The following IKBKE variants were observed in gnomAD, a reference collection of about 807,000 sequenced individuals.
IKBKE encodes the protein inhibitor of nuclear factor kappa-B kinase subunit epsilon.
A neutral mutation model predicts 92.1 loss-of-function variants in IKBKE; 45 were observed. The observed-to-expected ratio is 0.49, with a 90% CI of 0.38 to 0.63. The LOEUF (loss-of-function observed/expected upper bound fraction) is 0.63, where lower values mean the gene tolerates loss of function less well. Among genes scored for constraint, IKBKE ranks in the 20% least tolerant of loss-of-function variants. The probability of loss-of-function intolerance (pLI) is 0.00; values close to 1 mark genes in which losing one functional copy is unlikely to be tolerated. For missense variants in IKBKE, 700 were observed against 932.8 expected, an observed-to-expected ratio of 0.75 and a Z score of 3.25; for synonymous variants, 374 against 380.3, an observed-to-expected ratio of 0.98 and a Z score of 0.19.
rs782538434 is a variant in IKBKE, at chr1:206,485,346, GAGTGGGC to G, written c.1616+43_1616+49del. 2 of 1,228,786 alleles carry G rather than the reference GAGTGGGC, an allele frequency of 1.6e-6. No individual in the cohort carries two copies. Among genetic ancestry groups the G allele is most frequent in the Non-Finnish European group, 2.4e-6 (2 of 830,260 alleles). 76.1% of individuals were successfully genotyped at this position (1,228,786 alleles called of 1,614,324 possible). On this transcript the variant is annotated intron_variant, in intron 15 of 21. Coordinates refer to ENST00000581977, the MANE Select transcript of IKBKE (RefSeq NM_014002.4). This position sits in a 1 kb window ranked among gnomAD's most constrained non-coding sequence, Gnocchi z 5.0. ...CCTTCTTTGTGGGGTGGGAGTGGGG[GAGTGGGC>G]AGCTCCAAAGGTCCAGTAACCTTTA...
rs890251228 is a variant in IKBKE, at chr1:206,496,837, G to A, written c.*692G>A. On this transcript the variant is annotated 3_prime_UTR_variant, in exon 22 of 22. Transcript: ENST00000581977. The stretch of plus-strand genomic sequence containing the variant: ...CAGCCAGGACTGTGAGTCTGGGCAG[G>A]TCCAAGGCCTGCACCTTCAAGAAGT... The A allele has an allele frequency of 1.7e-5, 4 of 228,988 alleles. No homozygotes were observed. Among genetic ancestry groups the A allele is most frequent in the Admixed American group, 5.7e-5 (1 of 17,626 alleles). 14.2% of individuals were successfully genotyped at this position (228,988 alleles called of 1,614,324 possible). A position where few individuals can be genotyped will look rare whatever the true frequency, so the allele number is the denominator to read the frequency against.
At chr1:206,481,542 G>C (rs1241128398) in intron 13 of IKBKE, among the ~76,000 whole-genome samples, 3 of 152,192 alleles carry the variant, frequency 2.0e-5, no homozygotes, top group Non-Finnish European at 4.4e-5. Flanking sequence ...CAGAGAGTAG[G>C]GTTCAGTCAG....
chr1:206,481,862 C>T (rs1665414131), intron 13 of IKBKE, among the ~76,000 whole-genome samples: 1 of 146,928 alleles, frequency 6.8e-6, no homozygotes, highest in Admixed American at 6.9e-5. Flanking sequence ...TCACTGCAAG[C>T]TCCGCCTCCC....
intron 18 of IKBKE, chr1:206,492,005 G>A: frequency 2.6e-6 from 1 of 386,122 alleles, no homozygotes; most frequent in Admixed American, 3.9e-5. Flanking sequence ...GGAAACTGAG[G>A]CTCTGAGAAC....
At chr1:206,488,437 G>A (rs1398851099) in intron 16 of IKBKE, among the ~76,000 whole-genome samples, 3 of 152,238 alleles carry the variant, frequency 2.0e-5, no homozygotes, top group African/African-American at 7.2e-5. Context: ...GTCCCATTTT[G>A]AGTCACTGGG....
intron 21 of IKBKE, among the ~76,000 whole-genome samples, chr1:206,494,523 G>A (rs1666118133): frequency 6.6e-6 from 1 of 151,828 alleles, no homozygotes; most frequent in Non-Finnish European, 1.5e-5. Context: ...GGTCATGAGA[G>A]GTTGGTGTGG....
intron 21 of IKBKE, among the ~76,000 whole-genome samples, chr1:206,494,668 G>A (rs1397108181): frequency 3.2e-5 from 4 of 124,382 alleles, no homozygotes; most frequent in Non-Finnish European, 4.7e-5. Flanking sequence ...CAGTGGTACT[G>A]TGTCGGCTCA....
chr1:206,475,297 T>C (rs1664997666), intron 5 of IKBKE, among the ~76,000 whole-genome samples: 2 of 152,192 alleles, frequency 1.3e-5, no homozygotes, highest in South Asian at 2.1e-4. Context: ...GATGACATTA[T>C]GTTAAGTGAA....
intron 7 of IKBKE, among the ~76,000 whole-genome samples, chr1:206,477,509 C>T (rs80170588): frequency 6.6e-6 from 1 of 152,022 alleles, no homozygotes; most frequent in Non-Finnish European, 1.5e-5. Flanking sequence ...GGAAGTGTAG[C>T]GGGGGGAGAG....
At chr1:206,484,952 G>A (rs1665575776) in intron 13 of IKBKE, 45 bp from the exon 14 acceptor site, 4 of 1,517,824 alleles carry the variant, frequency 2.6e-6, no homozygotes, top group South Asian at 1.1e-5. Flanking sequence ...CACCTTGGCT[G>A]CTCCTAAGCC....
Position 206,476,381 on chromosome 1 carries a change from A to T in IKBKE, c.540+19A>T, listed in dbSNP as rs2103454929. Reference sequence around the variant, plus strand: ...GTACCTGGTGGGTGAGCTGCTCGAGACCCGCTGCCCTATGCTGAGGGCTCC... The same window carrying T: ...GTACCTGGTGGGTGAGCTGCTCGAGTCCCGCTGCCCTATGCTGAGGGCTCC... On this transcript the variant is annotated intron_variant, in intron 6 of 21. Transcript: ENST00000581977. This position sits in a 1 kb window ranked among gnomAD's most constrained non-coding sequence, Gnocchi z 5.1. 6.3e-7 allele frequency: 1 copy of T among 1,590,090 alleles called. No homozygotes were observed. The highest frequency in any genetic ancestry group is 8.6e-7 in the Non-Finnish European group (1 of 1,165,888).
Position 206,478,246 on chromosome 1 carries a change from C to G in IKBKE, c.899C>G (p.Ala300Gly). The G allele has an allele frequency of 6.2e-7, 1 of 1,614,158 alleles. No individual in the cohort carries two copies. The highest frequency in any genetic ancestry group is 8.5e-7 in the Non-Finnish European group (1 of 1,180,022). The change falls in exon 9 of 22, where the codon GCG (alanine) becomes GGG (glycine). Residue 300 changes from alanine to glycine, a missense_variant. Transcript: ENST00000581977. The surrounding 1 kb of genome is among the most constrained non-coding windows in gnomAD (Gnocchi z 4.8). ...AKCWGFDQFF[A>G]ETSDILQRVV... Reference sequence around the variant, plus strand: ...TGCTGGGGCTTCGACCAGTTCTTTGCGGAGACCAGTGACATCCTGCAGCGA... The same window carrying G: ...TGCTGGGGCTTCGACCAGTTCTTTGGGGAGACCAGTGACATCCTGCAGCGA...
intron 5 of IKBKE, among the ~76,000 whole-genome samples, chr1:206,475,714 G>A (rs1437921281): frequency 7.0e-6 from 1 of 143,632 alleles, no homozygotes; most frequent in East Asian, 2.0e-4. Flanking sequence ...TCCAGCCTAT[G>A]TGTCAGAGTG....
In IKBKE at chr1:206,487,966, TTC is replaced by T; in HGVS notation, c.1670_1671del (p.Phe557Ter). On this transcript the variant is annotated frameshift_variant, in exon 16 of 22. Transcript: ENST00000581977. LOFTEE classifies it high-confidence loss of function. The surrounding 1 kb of genome is among the most constrained non-coding windows in gnomAD (Gnocchi z 5.3). ...LDKMNFIYKQ[F>X]KKSRMRPGLG... Reference sequence around the variant, plus strand: ...CAAGATGAACTTCATCTACAAACAGTTCAAGAAGTCTAGGATGAGGCCAGGTG... The same window carrying T: ...CAAGATGAACTTCATCTACAAACAGTAAGAAGTCTAGGATGAGGCCAGGTG... 1 of 1,613,732 alleles carries T rather than the reference TTC, an allele frequency of 6.2e-7. No homozygotes were observed. The highest frequency in any genetic ancestry group is 1.3e-5 in the African/African-American group (1 of 75,054).
Position 206,487,201 on chromosome 1 carries a change from A to G in IKBKE, c.1617-713A>G, listed in dbSNP as rs1665712090. 1.3e-5 allele frequency among the ~76,000 whole-genome samples: 2 copies of G among 152,202 alleles called. No individual in the cohort carries two copies. Among genetic ancestry groups the G allele is most frequent in the African/African-American group, 4.8e-5 (2 of 41,452 alleles). On this transcript the variant is annotated intron_variant, in intron 15 of 21. Coordinates refer to ENST00000581977, the MANE Select transcript of IKBKE (RefSeq NM_014002.4). The surrounding 1 kb of genome is among the most constrained non-coding windows in gnomAD (Gnocchi z 5.3). ...CTGCAGGGAGGAAGTGGAGCTACAT[A>G]GGCCTGTGGGTGAGGAAGAACTTTT...
At chr1:206,473,977 A>AAAAAAAAAAG (rs1553384499) in intron 3 of IKBKE, among the ~76,000 whole-genome samples, 4 of 151,556 alleles carry the variant, frequency 2.6e-5, no homozygotes, top group Non-Finnish European at 5.9e-5. Context: ...AAAAAAAAAA[A>AAAAAAAAAAG]AAAAAAAGAA....
At chr1:206,479,818 G>A (rs1665273759) in intron 10 of IKBKE, 52 bp from the exon 11 acceptor site, 1 of 1,579,966 alleles carries the variant, frequency 6.3e-7, no homozygotes, top group East Asian at 2.2e-5. Context: ...TGAAAGATAA[G>A]CCGACCCAGC....
chr1:206,489,495 G>A (rs531538884), intron 16 of IKBKE, among the ~76,000 whole-genome samples: 7 of 151,184 alleles, frequency 4.6e-5, no homozygotes, highest in Admixed American at 4.6e-4. Context: ...TTGGGCCCAG[G>A]AGTTCAAGAC....
intron 17 of IKBKE, chr1:206,491,065 T>G: frequency 1.6e-6 from 1 of 611,278 alleles, no homozygotes; most frequent in Non-Finnish European, 2.9e-6. Context: ...AATCTTGAAG[T>G]AACTGGATTT....
Sources: gnomAD v4.1 joint callset for allele counts (sites outside exome capture counted in the v4.1 genomes callset) on GRCh38, gnomAD v4.1.1 for gene constraint, Gnocchi (gnomAD v3.1) non-coding constraint, MANE v1.5 for transcripts, NCBI Gene and HGNC (gene_info 2026-07-23, HGNC 2026-07-21) for gene names.